Variants in SYVN1 observed in about 807,000 individuals in gnomAD.
SYVN1 encodes the protein synoviolin 1.
In SYVN1, 17 loss-of-function variants were observed where a neutral mutation model predicts 62.6. The observed-to-expected ratio is 0.27, with a 90% CI of 0.19 to 0.41. SYVN1 has a LOEUF of 0.41. SYVN1 is among the 10% of genes least tolerant of loss of function. The pLI, the probability that SYVN1 is intolerant of heterozygous loss-of-function variation, is 1.00. For synonymous variants in SYVN1, 316 were observed against 304.0 expected, an observed-to-expected ratio of 1.04 and a Z score of -0.41; for missense variants, 634 against 818.0, an observed-to-expected ratio of 0.78 and a Z score of 2.74.
In SYVN1 at chr11:65,132,284, G is replaced by A; in HGVS notation, c.495C>T (p.Thr165=). The A allele has an allele frequency of 6.2e-7, 1 of 1,614,106 alleles. No individual in the cohort carries two copies. The highest frequency in any genetic ancestry group is 8.5e-7 in the Non-Finnish European group (1 of 1,179,986). Residue 165 remains threonine, a synonymous_variant, in exon 6 of 16, where the codon ACC becomes ACT. Transcript: ENST00000377190. ...ACACCAGCTGCACAGAGGCCCCACG[G>A]GTCAGGATGCTGTGATAGGCGTGGC... The part of the protein sequence containing the change: ...FVSHAYHSIL[T]RGASVQLVFG...
chr11:65,130,636 G>C lies in SYVN1; in HGVS notation c.1105+24C>G, dbSNP rs973676818. 3 of 1,496,128 alleles carry C rather than the reference G, an allele frequency of 2.0e-6. No homozygotes were observed. The East Asian group carries it at 7.0e-5, about 35-fold the overall frequency. 92.7% of individuals were successfully genotyped at this position (1,496,128 alleles called of 1,614,324 possible). ...GGGCAAGTATCCAGTGGTATGCCGG[G>C]TGGCCAGACAAGGGGATACTCACAG... On this transcript the variant is annotated intron_variant, in intron 11 of 15. Coordinates refer to ENST00000377190, the MANE Select transcript of SYVN1 (RefSeq NM_172230.3).
At chr11:65,129,689 G>T in intron 14 of SYVN1, 40 bp downstream of exon 14, 1 of 1,598,084 alleles carries the variant, frequency 6.3e-7, no homozygotes, top group South Asian at 1.1e-5. Context: ...CTCCACTCCT[G>T]ACCCACCAAA....
intron 14 of SYVN1, chr11:65,129,497 T>G (rs1385676771): frequency 2.0e-6 from 1 of 496,116 alleles, no homozygotes; most frequent in African/African-American, 1.9e-5. Context: ...AGGAATAAGA[T>G]CTAAAGTCAG....
At chr11:65,132,146 G>C (rs1948188413) in intron 6 of SYVN1, 102 bp downstream of exon 6, 1 of 898,940 alleles carries the variant, frequency 1.1e-6, no homozygotes, top group Non-Finnish European at 1.9e-6. Flanking sequence ...GCCAGCACAG[G>C]TTGGCCACAT....
At position 65,128,336 on chromosome 11, in the gene SYVN1, G is replaced by A. The variant is rs753236646; in HGVS notation, c.*46C>T. 91 of 1,495,030 alleles carry A rather than the reference G, an allele frequency of 6.1e-5. 1 individual carries two copies. The highest frequency in any genetic ancestry group is 4.4e-4 in the Middle Eastern group (2 of 4,560). The allele number at this position is 1,495,030 out of a possible 1,614,324, so 92.6% of individuals were successfully genotyped here. On this transcript the variant is annotated 3_prime_UTR_variant, in exon 16 of 16. Coordinates refer to ENST00000377190, the MANE Select transcript of SYVN1 (RefSeq NM_172230.3). ...ACTTGGTGGCAGGACATGTTCCAGCGAGGGCTGCTCAAAAGAGCAGAGGCT... is the reference window on the plus strand; with the variant it reads ...ACTTGGTGGCAGGACATGTTCCAGCAAGGGCTGCTCAAAAGAGCAGAGGCT...
intron 8 of SYVN1, 31 bp downstream of exon 8, chr11:65,131,243 C>T: frequency 6.2e-7 from 1 of 1,613,910 alleles, no homozygotes; most frequent in South Asian, 1.1e-5. Flanking sequence ...GGGATCAGGT[C>T]AGGAGGATCG....
chr11:65,128,057 C>T lies in SYVN1; in HGVS notation c.*325G>A. On this transcript the variant is annotated 3_prime_UTR_variant, in exon 16 of 16. Coordinates refer to ENST00000377190, the MANE Select transcript of SYVN1 (RefSeq NM_172230.3). ...CACATACAAGTAGGGCTTGGAGGGG[C>T]AGCCCCTTCTCCTGGAAAGGGGTGG... 1 of 475,246 alleles carries T rather than the reference C, an allele frequency of 2.1e-6. No individual in the cohort carries two copies. Among genetic ancestry groups the T allele is most frequent in the South Asian group, 2.4e-5 (1 of 40,820 alleles). The allele number at this position is 475,246 out of a possible 1,614,324, so 29.4% of individuals were successfully genotyped here.
At chr11:65,129,966 ACCC>A in intron 13 of SYVN1, 33 bp downstream of exon 13, 2 of 1,599,976 alleles carry the variant, frequency 1.3e-6, no homozygotes, top group Non-Finnish European at 1.7e-6. Context: ...CACCAACCTC[ACCC>A]CCAAGAAGAA....
chr11:65,132,606 A>G, intron 5 of SYVN1, 126 bp downstream of exon 5: 2 of 1,179,520 alleles, frequency 1.7e-6, no homozygotes, highest in South Asian at 2.5e-5. Context: ...AACAGCACAG[A>G]GACTATGCAA....
chr11:65,132,507 T>C lies in SYVN1; in HGVS notation c.428-156A>G. On this transcript the variant is annotated intron_variant, in intron 5 of 15. Coordinates refer to ENST00000377190, the MANE Select transcript of SYVN1 (RefSeq NM_172230.3). ...TGAACCTGGCCCTCTGGGAACTTCC[T>C]GGGGGAGGGGGAGTTGTTGGGGCTG... 10 of 753,986 alleles carry C rather than the reference T, an allele frequency of 1.3e-5. No individual in the cohort carries two copies. The South Asian group carries it at 1.7e-4, about 13-fold the overall frequency. 46.7% of individuals were successfully genotyped at this position (753,986 alleles called of 1,614,324 possible). A position where few individuals can be genotyped will look rare whatever the true frequency, so the allele number is the denominator to read the frequency against.
chr11:65,130,604 CAG>C, intron 11 of SYVN1, 54 bp downstream of exon 11: 1 of 1,487,350 alleles, frequency 6.7e-7, no homozygotes, highest in African/African-American at 1.4e-5. Context: ...CTTCCACATC[CAG>C]CCCAGGGCAA....
chr11:65,130,218 GC>G, intron 12 of SYVN1, 32 bp downstream of exon 12: 1 of 1,608,992 alleles, frequency 6.2e-7, no homozygotes, highest in East Asian at 2.2e-5. Flanking sequence ...CATCCCTGCC[GC>G]CCCCTGGCTG....
In SYVN1 at chr11:65,130,089, C is replaced by T. The variant is rs1338656291; in HGVS notation, c.1321G>A (p.Gly441Ser). 1 of 1,610,836 alleles carries T rather than the reference C, an allele frequency of 6.2e-7. No homozygotes were observed. The highest frequency in any genetic ancestry group is 1.3e-5 in the African/African-American group (1 of 74,856). The change falls in exon 13 of 16, where the codon GGC becomes AGC. Residue 441 changes from glycine (G) to serine (S), a missense_variant. Transcript: ENST00000377190. ...TAASATASGP[G>S]SGSAPEAGPA... The stretch of plus-strand genomic sequence containing the variant: ...CCAGCCTCTGGGGCAGAGCCAGAGC[C>T]TGGGCCAGATGCTGTGGCAGAAGCA...
rs770643672 is a variant in SYVN1 at position 65,133,157 on chromosome 11, T to C, written c.225+3A>G. On this transcript the variant is annotated splice_donor_region_variant and intron_variant, in intron 3 of 15. Coordinates refer to ENST00000377190, the MANE Select transcript of SYVN1 (RefSeq NM_172230.3). ...CTCACCTTTGGGGCAGCCGACATCT[T>C]ACCTCCATCTCTGCTGCCCTCAGTT... The C allele has an allele frequency of 1.9e-6, 3 of 1,614,196 alleles. No individual in the cohort carries two copies. The highest frequency in any genetic ancestry group is 1.1e-5 in the South Asian group (1 of 91,092).
At chr11:65,131,888 C>T (rs989785796) in intron 6 of SYVN1, among the ~76,000 whole-genome samples, 4 of 152,170 alleles carry the variant, frequency 2.6e-5, no homozygotes, top group Non-Finnish European at 5.9e-5. Context: ...GTGAAATTCG[C>T]ACTCAACAAA....
In SYVN1 at chr11:65,128,500, G is replaced by C. The variant is rs1405634012; in HGVS notation, c.1748-12C>G. On this transcript the variant is annotated splice_polypyrimidine_tract_variant and intron_variant, in intron 15 of 15. Transcript: ENST00000377190. Reference sequence around the variant, plus strand: ...CACTGACTCAGGAGCTGGGGACAGAGAGACTGGAAGTGGAACCTAGAGAAG... The same window carrying C: ...CACTGACTCAGGAGCTGGGGACAGACAGACTGGAAGTGGAACCTAGAGAAG... 4 of 1,613,536 alleles carry C rather than the reference G, an allele frequency of 2.5e-6. No individual in the cohort carries two copies. The highest frequency in any genetic ancestry group is 2.2e-5 in the East Asian group (1 of 44,876).
At chr11:65,129,393 T>G in intron 14 of SYVN1, 1 of 230,214 alleles carries the variant, frequency 4.3e-6, no homozygotes, top group Non-Finnish European at 8.5e-6. Context: ...GGGGCAGCAA[T>G]TGCCAATCTA....
chr11:65,133,900 G>C (rs1948213440), intron 1 of SYVN1, among the ~76,000 whole-genome samples: 1 of 152,250 alleles, frequency 6.6e-6, no homozygotes, highest in Admixed American at 6.5e-5. Context: ...GAGGTGATGA[G>C]GAAAAGCTGC....
Position 65,130,370 on chromosome 11 carries a change from C to A in SYVN1, c.1115G>T (p.Gly372Val), listed in dbSNP as rs1276980446. 1 of 1,537,900 alleles carries A rather than the reference C, an allele frequency of 6.5e-7. No individual in the cohort carries two copies. Among genetic ancestry groups the A allele is most frequent in the Non-Finnish European group, 8.7e-7 (1 of 1,144,632 alleles). The change falls in exon 12 of 16, where the codon GGC becomes GTC. Residue 372 changes from glycine to valine, a missense_variant. Gly to Val is a moderately radical substitution (Grantham distance 109, BLOSUM62 -3). This residue lies in a region of SYVN1 where 351 missense variants were observed against 373.3 expected (regional missense o/e 0.94). Transcript: ENST00000377190. Reference protein sequence around the residue: ...LLPQPPNFPQGLLPPFPPGMF... With the variant: ...LLPQPPNFPQVLLPPFPPGMF... ...GCCTGGAGGAAAAGGAGGCAGGAGG[C>A]CCTGGGGGACTGCAGAGAGAAGACG...
Sources: gnomAD v4.1 joint callset for allele counts (sites outside exome capture counted in the v4.1 genomes callset) on GRCh38, gnomAD v4.1.1 for gene constraint, gnomAD v4.1.1 regional missense constraint, MANE v1.5 for transcripts, NCBI Gene and HGNC (gene_info 2026-07-23, HGNC 2026-07-21) for gene names.